The following UBAC2 variants were observed in gnomAD, a reference collection of about 807,000 sequenced individuals.
UBAC2 encodes ubiquitin-associated domain-containing protein 2.
Under a neutral mutation model 44.0 loss-of-function variants are expected in UBAC2, and 26 were observed. That is an observed-to-expected ratio of 0.59 (90% CI 0.43 to 0.82). UBAC2 has a LOEUF of 0.82. Among genes scored for constraint, UBAC2 ranks in the 40% least tolerant of loss-of-function variants. The pLI, the probability that UBAC2 is intolerant of heterozygous loss-of-function variation, is 0.00. For missense variants in UBAC2, 329 were observed against 419.4 expected (o/e 0.78, Z 1.88); for synonymous variants, 155 against 154.3 (o/e 1.00, Z -0.04).
intron 8 of UBAC2, among the ~76,000 whole-genome samples, chr13:99,378,239 A>G (rs568158133): frequency 9.8e-5 from 15 of 152,330 alleles, no homozygotes; most frequent in African/African-American, 2.9e-4. Flanking sequence ...AAAAACTTCA[A>G]TATCTGGCTG....
chr13:99,242,844 G>A (rs1461919718), intron 2 of UBAC2, among the ~76,000 whole-genome samples: 3 of 148,418 alleles, frequency 2.0e-5, no homozygotes, highest in Admixed American at 6.7e-5. Flanking sequence ...CGGGGCGGCC[G>A]GGCAGAGACG....
chr13:99,342,567 C>T (rs1566511823), intron 7 of UBAC2, among the ~76,000 whole-genome samples: 2 of 152,128 alleles, frequency 1.3e-5, no homozygotes, highest in South Asian at 2.1e-4. Flanking sequence ...GGGACCCACA[C>T]ATTCCTCTGT....
intron 8 of UBAC2, among the ~76,000 whole-genome samples, chr13:99,376,636 A>G (rs1390969766): frequency 6.6e-6 from 1 of 152,210 alleles, no homozygotes; most frequent in Admixed American, 6.5e-5. Flanking sequence ...GTCTAGAAAT[A>G]AGAAATAAGT....
intron 2 of UBAC2, among the ~76,000 whole-genome samples, chr13:99,242,809 G>GTGGAGGGGCTCCTCACTTCTCAGA (rs1566463996): frequency 7.4e-5 from 11 of 147,678 alleles, no homozygotes; most frequent in African/African-American, 2.2e-4. Context: ...TGGCTGCCGG[G>GTGGAGGGGCTCCTCACTTCTCAGA]CGGAGGGGCT....
At chr13:99,218,133 AATT>A (rs1249023852) in intron 1 of UBAC2, among the ~76,000 whole-genome samples, 5 of 152,214 alleles carry the variant, frequency 3.3e-5, no homozygotes, top group Non-Finnish European at 4.4e-5. Flanking sequence ...TGGCTTTTAA[AATT>A]ATTATTTCAT....
chr13:99,268,920 A>G (rs1043155589), intron 4 of UBAC2, among the ~76,000 whole-genome samples: 6 of 151,572 alleles, frequency 4.0e-5, no homozygotes, highest in Non-Finnish European at 7.4e-5. Flanking sequence ...AGAGAGAAGA[A>G]ACTGGGGCAG....
At position 99,295,660 on chromosome 13, in the gene UBAC2, C is replaced by G. The variant is rs754711229; in HGVS notation, c.390-18437C>G. 1 of 1,614,112 alleles carries G rather than the reference C, an allele frequency of 6.2e-7. No homozygotes were observed. ...TAGGGTTGATGAGGAGTGGGAGTGT[C>G]TGAGCAAATACTAGAATCCAGACAA... On this transcript the variant is annotated intron_variant, in intron 4 of 8. Coordinates refer to ENST00000403766, the MANE Select transcript of UBAC2 (RefSeq NM_001144072.2). This position sits in a 1 kb window ranked among gnomAD's most constrained non-coding sequence, Gnocchi z 4.1.
chr13:99,351,759 C>T, intron 7 of UBAC2: 1 of 456,730 alleles, frequency 2.2e-6, no homozygotes, highest in Non-Finnish European at 4.4e-6. Context: ...CTTGTTGGTA[C>T]AAGCCAAGTG....
At chr13:99,315,222 T>C (rs924111427) in intron 5 of UBAC2, among the ~76,000 whole-genome samples, 2 of 152,186 alleles carry the variant, frequency 1.3e-5, no homozygotes, top group Non-Finnish European at 2.9e-5. Context: ...CTACCTGATA[T>C]CCATGTAACC....
chr13:99,301,271 G>A (rs2066530123), intron 4 of UBAC2, among the ~76,000 whole-genome samples: 1 of 152,212 alleles, frequency 6.6e-6, no homozygotes, highest in South Asian at 2.1e-4. Context: ...TTCCACCTGT[G>A]GAACAGGGCC....
At position 99,255,684 on chromosome 13, in the gene UBAC2, A is replaced by G. The variant is rs539240344; in HGVS notation, c.389+11060A>G. ...TAAATATCAAGTCCACTAATGCCAC[A>G]TTCATCATATAGATGGTTACCGTGG... is the stretch of plus-strand genomic sequence containing the variant. On this transcript the variant is annotated intron_variant, in intron 4 of 8. Coordinates refer to ENST00000403766, the MANE Select transcript of UBAC2 (RefSeq NM_001144072.2). 8 of 1,614,082 alleles carry G rather than the reference A, an allele frequency of 5.0e-6. No homozygotes were observed. The Admixed American group carries it at 1.0e-4, about 20-fold the overall frequency.
At chr13:99,292,582 C>T (rs1035808532) in intron 4 of UBAC2, among the ~76,000 whole-genome samples, 1 of 152,214 alleles carries the variant, frequency 6.6e-6, no homozygotes. Context: ...AATATATGGA[C>T]TGTTTTATAA....
chr13:99,345,868 G>A (rs887479900), intron 7 of UBAC2, among the ~76,000 whole-genome samples: 7 of 149,778 alleles, frequency 4.7e-5, no homozygotes, highest in East Asian at 4.0e-4. Context: ...TCAGCCTCCC[G>A]AGTAGCTGGG....
intron 6 of UBAC2, among the ~76,000 whole-genome samples, chr13:99,327,488 G>C (rs1030210061): frequency 9.2e-5 from 14 of 152,126 alleles, no homozygotes; most frequent in African/African-American, 3.4e-4. Context: ...CTCTCTCTGT[G>C]TGTGTGTGTG....
intron 6 of UBAC2, among the ~76,000 whole-genome samples, chr13:99,322,883 A>G (rs2044587880): frequency 6.6e-6 from 1 of 152,218 alleles, no homozygotes; most frequent in Non-Finnish European, 1.5e-5. Flanking sequence ...GAGTCAAGAC[A>G]GCGCATTTGC....
rs116220744 is a variant in UBAC2 at position 99,275,218 on chromosome 13, A to G, written c.389+30594A>G. Among the ~76,000 whole-genome samples the G allele has an allele frequency of 4.5e-3, 687 of 152,208 alleles. 5 individuals are homozygous for G. Among genetic ancestry groups the G allele is most frequent in the African/African-American group, 0.015 (633 of 41,530 alleles). On this transcript the variant is annotated intron_variant, in intron 4 of 8. Coordinates refer to ENST00000403766, the MANE Select transcript of UBAC2 (RefSeq NM_001144072.2). ...AGTCTCTCATGTGGTTGTACTCAGG[A>G]TGTCAGGGACCACAGTCATCTTCAG... is the stretch of plus-strand genomic sequence containing the variant.
chr13:99,383,563 G>A (rs2138935642), intron 8 of UBAC2, among the ~76,000 whole-genome samples: 1 of 152,362 alleles, frequency 6.6e-6, no homozygotes, highest in Middle Eastern at 3.4e-3. Context: ...CTCCAGGACA[G>A]CCCTCCCCAC....
chr13:99,367,829 C>T lies in UBAC2; in HGVS notation c.850C>T (p.Gln284Ter). 6.2e-7 allele frequency: 1 copy of T among 1,613,978 alleles called. No individual in the cohort carries two copies. Among genetic ancestry groups the T allele is most frequent in the Non-Finnish European group, 8.5e-7 (1 of 1,179,862 alleles). The change falls in exon 8 of 9, where the codon CAG (glutamine) becomes TAG (stop). Residue 284 changes from glutamine (Q) to a stop codon, truncating the protein, a stop_gained. Transcript: ENST00000403766. LOFTEE classifies it high-confidence loss of function. ...NWNRLFPPLR[Q>*]RQNVNYQGGR... Reference sequence around the variant, plus strand: ...GAATCGTCTTTTTCCTCCTTTACGTCAGCGACAAAACGTAAACTATCAGGG... The same window carrying T: ...GAATCGTCTTTTTCCTCCTTTACGTTAGCGACAAAACGTAAACTATCAGGG...
intron 6 of UBAC2, among the ~76,000 whole-genome samples, chr13:99,329,552 A>G (rs1293606048): frequency 1.3e-5 from 2 of 152,206 alleles, no homozygotes; most frequent in Non-Finnish European, 2.9e-5. Flanking sequence ...GCAGATCATA[A>G]AAGACACAGC....
Sources: allele counts gnomAD v4.1 joint callset (sites outside exome capture counted in the v4.1 genomes callset), GRCh38; gene constraint gnomAD v4.1.1; non-coding constraint Gnocchi (gnomAD v3.1); transcripts MANE v1.5; gene names NCBI Gene and HGNC (gene_info 2026-07-23, HGNC 2026-07-21).